Variants in LRRC37A observed in about 807,000 individuals in gnomAD.
LRRC37A encodes the protein leucine rich repeat containing 37A, also known as leucine-rich repeat-containing protein 37A.
LRRC37A carries 3 observed loss-of-function variants against 35.4 expected under a neutral mutation model. The ratio of observed to expected loss-of-function variants is 0.08; its 90% CI spans 0.04 to 0.22. The LOEUF is 0.22. LRRC37A is among the 10% of genes least tolerant of loss of function. LRRC37A has a pLI of 1.00. For missense variants in LRRC37A, 67 were observed against 565.3 expected (o/e 0.12, Z 8.94); for synonymous variants, 23 against 215.0 (o/e 0.11, Z 7.81).
intron 10 of LRRC37A, among the ~76,000 whole-genome samples, chr17:46,332,894 T>A (rs1337555020): frequency 5.3e-5 from 8 of 151,494 alleles, no homozygotes; most frequent in Middle Eastern, 3.4e-3. Context: ...CCCACTAGAC[T>A]ATTTTAAGAA....
At chr17:46,260,023 T>G in the LRRC37A span, 64 of 1,593,910 alleles carry the variant, frequency 4.0e-5, no homozygotes, top group Non-Finnish European at 5.2e-5. Context: ...CAGGGCCTTT[T>G]TGGCCATGGC....
At chr17:46,253,675 T>C in the LRRC37A span, among the ~76,000 whole-genome samples, 2 of 140,880 alleles carry the variant, frequency 1.4e-5, no homozygotes, top group Non-Finnish European at 3.1e-5. Context: ...GGCAGGGAGG[T>C]TGCAGTGAGC....
the LRRC37A span, chr17:46,267,002 C>T: frequency 0.13 from 21,430 of 163,586 alleles, 11 homozygotes; most frequent in Middle Eastern, 0.21. Flanking sequence ...TGTGCCGGCC[C>T]CCGGCTCGCC....
chr17:46,287,909 A>G (rs1213542199), upstream of LRRC37A, among the ~76,000 whole-genome samples: 1 of 152,258 alleles, frequency 6.6e-6, no homozygotes. Flanking sequence ...AAACGCTTAT[A>G]CAGTGTGTCT....
At chr17:46,268,432 A>C in the LRRC37A span, 20 of 1,080,378 alleles carry the variant, frequency 1.9e-5, no homozygotes, top group East Asian at 3.2e-5. Context: ...GGTATTTCTT[A>C]AAGGCCTTAT....
At chr17:46,252,734 T>C in the LRRC37A span, among the ~76,000 whole-genome samples, 1 of 152,014 alleles carries the variant, frequency 6.6e-6, no homozygotes, top group South Asian at 2.1e-4. Flanking sequence ...AGAATTTTTC[T>C]TAGTATAGAA....
chr17:46,256,889 G>T, the LRRC37A span, among the ~76,000 whole-genome samples: 2 of 152,190 alleles, frequency 1.3e-5, no homozygotes, highest in Non-Finnish European at 2.9e-5. Context: ...AAGTGGTGAA[G>T]AAGGCGGCTA....
At chr17:46,268,580 A>T in the LRRC37A span, 1 of 1,534,448 alleles carries the variant, frequency 6.5e-7, no homozygotes, top group East Asian at 2.5e-5. Flanking sequence ...AGGTCCTGAG[A>T]GGCCATCTCT....
At chr17:46,289,258 C>CTA (rs375112071), upstream of LRRC37A, among the ~76,000 whole-genome samples, 5,037 of 126,478 alleles carry the variant, frequency 0.04, no homozygotes, top group Non-Finnish European at 0.065. Flanking sequence ...ACACGGCTTG[C>CTA]TATAGCCTTG....
the LRRC37A span, among the ~76,000 whole-genome samples, chr17:46,265,105 T>C: frequency 6.6e-6 from 1 of 152,188 alleles, no homozygotes; most frequent in African/African-American, 2.4e-5. Context: ...AGCTTTGCAG[T>C]GGCTGTAGAG....
chr17:46,325,877 A>G (rs2051707109), intron 7 of LRRC37A, among the ~76,000 whole-genome samples: 1 of 71,558 alleles, frequency 1.4e-5, no homozygotes, highest in Non-Finnish European at 4.7e-5. Flanking sequence ...TGAAAGTTAT[A>G]CAGGTGTTCA....
At chr17:46,256,430 A>C in the LRRC37A span, among the ~76,000 whole-genome samples, 3 of 152,100 alleles carry the variant, frequency 2.0e-5, no homozygotes, top group African/African-American at 4.8e-5. Context: ...AGAAGAGACC[A>C]GAGAGCCTTT....
chr17:46,264,893 G>A, the LRRC37A span, among the ~76,000 whole-genome samples: 3 of 152,258 alleles, frequency 2.0e-5, no homozygotes, highest in South Asian at 6.2e-4. Flanking sequence ...TGATTTGAAT[G>A]TATGTCAGAG....
chr17:46,289,502 A>AT (rs1253510088), upstream of LRRC37A, among the ~76,000 whole-genome samples: 1 of 151,998 alleles, frequency 6.6e-6, no homozygotes, highest in East Asian at 1.9e-4. Flanking sequence ...CTGACTTAAA[A>AT]TTTTTTTAAA....
At chr17:46,249,340 C>T in the LRRC37A span, among the ~76,000 whole-genome samples, 2 of 152,118 alleles carry the variant, frequency 1.3e-5, no homozygotes, top group Admixed American at 1.3e-4. Context: ...GTTGCAGAGT[C>T]TCCTTTACAC....
chr17:46,282,581 ATT>A, the LRRC37A span, among the ~76,000 whole-genome samples: 17 of 136,178 alleles, frequency 1.2e-4, no homozygotes, highest in Admixed American at 2.2e-4. Flanking sequence ...AGCCTGGTTA[ATT>A]TTTTTTTTTT....
At chr17:46,251,258 C>CT in the LRRC37A span, among the ~76,000 whole-genome samples, 24,353 of 142,448 alleles carry the variant, frequency 0.17, 287 homozygotes, top group Middle Eastern at 0.23. Context: ...TGCTTAACAT[C>CT]TTTTTTTTTT....
chr17:46,289,735 T>C (rs1416670186), upstream of LRRC37A, among the ~76,000 whole-genome samples: 2 of 152,258 alleles, frequency 1.3e-5, no homozygotes, highest in African/African-American at 4.8e-5. Context: ...CTAAATCTTA[T>C]AGTCTCTCAG....
the LRRC37A span, chr17:46,267,435 C>G: frequency 2.9e-5 from 47 of 1,612,894 alleles, no homozygotes; most frequent in Non-Finnish European, 3.8e-5. Context: ...ACCTCACTCA[C>G]CCCCGACGTC....
Sources: allele counts gnomAD v4.1 joint callset (sites outside exome capture counted in the v4.1 genomes callset), GRCh38; gene constraint gnomAD v4.1.1; transcripts MANE v1.5; gene names NCBI Gene and HGNC (gene_info 2026-07-23, HGNC 2026-07-21).